BBS9: variants seen among roughly 807,000 people sequenced by gnomAD.
BBS9 encodes Bardet-Biedl syndrome 9, also known as protein PTHB1.
BBS9 carries 89 observed loss-of-function variants against 117.7 expected under a neutral mutation model. The observed-to-expected ratio is 0.76, with a 90% confidence interval of 0.64 to 0.90. The LOEUF (loss-of-function observed/expected upper bound fraction) is 0.90, where lower values mean the gene tolerates loss of function less well. Among genes scored for constraint, BBS9 ranks in the 40% least tolerant of loss-of-function variants. BBS9 has a pLI of 0.00. For missense variants in BBS9, 982 were observed against 1,042.2 expected, an observed-to-expected ratio of 0.94 and a Z score of 0.80; for synonymous variants, 379 against 370.9, an observed-to-expected ratio of 1.02 and a Z score of -0.25.
chr7:33,130,767 A>C (rs1003870532), intron 1 of BBS9, among the ~76,000 whole-genome samples: 1 of 152,078 alleles, frequency 6.6e-6, no homozygotes, highest in Non-Finnish European at 1.5e-5. Context: ...AGAAGTTTTT[A>C]AAGAAGAATT....
chr7:33,575,416 A>C (rs977296558), intron 21 of BBS9, among the ~76,000 whole-genome samples: 4 of 152,162 alleles, frequency 2.6e-5, no homozygotes, highest in African/African-American at 9.7e-5. Context: ...GCAATAATTA[A>C]CAGCCTACCA....
intron 9 of BBS9, among the ~76,000 whole-genome samples, chr7:33,335,395 C>A (rs1466443570): frequency 6.6e-6 from 1 of 151,850 alleles, no homozygotes; most frequent in African/African-American, 2.4e-5. Context: ...ACCTTTAGAA[C>A]CAAGTAGAAA....
At chr7:33,520,959 C>A (rs932350578) in intron 20 of BBS9, among the ~76,000 whole-genome samples, 2 of 152,154 alleles carry the variant, frequency 1.3e-5, no homozygotes, top group African/African-American at 4.8e-5. Flanking sequence ...CAGCTTTCCC[C>A]TGGATTTGCA....
chr7:33,501,803 C>T (rs1016815976), intron 19 of BBS9, among the ~76,000 whole-genome samples: 7 of 152,346 alleles, frequency 4.6e-5, no homozygotes, highest in African/African-American at 1.7e-4. Flanking sequence ...CCAGTGCCTA[C>T]AGAGTTAAGT....
intron 19 of BBS9, among the ~76,000 whole-genome samples, chr7:33,431,049 G>A (rs1834372163): frequency 6.6e-6 from 1 of 151,344 alleles, no homozygotes; most frequent in South Asian, 2.1e-4. Flanking sequence ...AAAAAACTTA[G>A]ACAGGCATGG....
intron 19 of BBS9, among the ~76,000 whole-genome samples, chr7:33,412,406 A>G (rs1377279619): frequency 6.6e-6 from 1 of 152,212 alleles, no homozygotes; most frequent in East Asian, 1.9e-4. Context: ...TCCCAAGGGC[A>G]ACTGGCATTT....
chr7:33,235,622 CATCAA>C (rs1207805497), intron 5 of BBS9, among the ~76,000 whole-genome samples: 1 of 152,104 alleles, frequency 6.6e-6, no homozygotes, highest in Non-Finnish European at 1.5e-5. Context: ...GTTGGAATAA[CATCAA>C]ATTAAGTTTG....
chr7:33,580,409 G>C (rs1474715450), intron 21 of BBS9, among the ~76,000 whole-genome samples: 1 of 152,016 alleles, frequency 6.6e-6, no homozygotes, highest in East Asian at 1.9e-4. Flanking sequence ...TATAATTGTA[G>C]TGGGCCCTGT....
At chr7:33,576,597 A>G (rs1858923984) in intron 21 of BBS9, among the ~76,000 whole-genome samples, 1 of 152,210 alleles carries the variant, frequency 6.6e-6, no homozygotes, top group African/African-American at 2.4e-5. Context: ...CCGCTTTGCC[A>G]AGACAATCCT....
At chr7:33,465,718 G>A (rs765579747) in intron 19 of BBS9, among the ~76,000 whole-genome samples, 17 of 152,088 alleles carry the variant, frequency 1.1e-4, no homozygotes, top group Non-Finnish European at 2.1e-4. Flanking sequence ...TAAGGTTATT[G>A]TATGGATTGA....
At chr7:33,548,357 T>A (rs948645323) in intron 21 of BBS9, among the ~76,000 whole-genome samples, 1 of 152,148 alleles carries the variant, frequency 6.6e-6, no homozygotes, top group Non-Finnish European at 1.5e-5. Context: ...TGCCTTTTTT[T>A]TTATTATACT....
intron 5 of BBS9, among the ~76,000 whole-genome samples, chr7:33,251,319 G>A (rs1420154): frequency 0.31 from 47,103 of 151,976 alleles, 7,769 homozygotes; most frequent in Admixed American, 0.43. Context: ...CTCAAATTAG[G>A]GAGTTCATTT....
At chr7:33,463,201 A>G (rs996030716) in intron 19 of BBS9, among the ~76,000 whole-genome samples, 4 of 152,108 alleles carry the variant, frequency 2.6e-5, no homozygotes, top group Non-Finnish European at 5.9e-5. Context: ...GAACAGACAG[A>G]CAATTGACAA....
chr7:33,551,206 A>C (rs1034414109), intron 21 of BBS9, among the ~76,000 whole-genome samples: 7 of 152,150 alleles, frequency 4.6e-5, no homozygotes, highest in Non-Finnish European at 8.8e-5. Flanking sequence ...CCTCGTAAGG[A>C]TCATAGCAAG....
At chr7:33,141,071 T>G (rs1008355836) in intron 1 of BBS9, among the ~76,000 whole-genome samples, 1 of 152,204 alleles carries the variant, frequency 6.6e-6, no homozygotes. Flanking sequence ...CCATCAAATT[T>G]GTTTTTTTCG....
chr7:33,146,403 TAA>T, intron 2 of BBS9, 39 bp downstream of exon 2: 1 of 1,517,196 alleles, frequency 6.6e-7, no homozygotes, highest in Non-Finnish European at 9.2e-7. Flanking sequence ...ATGAAAGTTT[TAA>T]AGAGATCAAA....
intron 19 of BBS9, among the ~76,000 whole-genome samples, chr7:33,484,095 C>G (rs909171583): frequency 6.6e-6 from 1 of 152,110 alleles, no homozygotes; most frequent in Admixed American, 6.6e-5. Flanking sequence ...GAGCTGAGAC[C>G]TAAATACTTG....
chr7:33,357,787 T>A (rs556643569), intron 15 of BBS9, 68 bp from the exon 16 acceptor site: 336 of 1,497,552 alleles, frequency 2.2e-4, no homozygotes, highest in Non-Finnish European at 2.7e-4. Flanking sequence ...AAACTATTAG[T>A]AGTACAATTT....
At chr7:33,137,831 A>G (rs1328200267) in intron 1 of BBS9, among the ~76,000 whole-genome samples, 1 of 152,196 alleles carries the variant, frequency 6.6e-6, no homozygotes, top group Non-Finnish European at 1.5e-5. Flanking sequence ...ACATTGGGGG[A>G]ACAAACATAC....
Sources: allele counts gnomAD v4.1 joint callset (sites outside exome capture counted in the v4.1 genomes callset), GRCh38; gene constraint gnomAD v4.1.1; transcripts MANE v1.5; gene names NCBI Gene and HGNC (gene_info 2026-07-23, HGNC 2026-07-21).